The following IGSF10 variants were observed in gnomAD, a reference collection of about 807,000 sequenced individuals.
The protein encoded by IGSF10 is calvaria mechanical force protein 608.
In IGSF10, 126 loss-of-function variants were observed where a neutral mutation model predicts 128.2. The ratio of observed to expected loss-of-function variants is 0.98; its 90% CI spans 0.85 to 1.14. IGSF10 has a LOEUF of 1.14. IGSF10 is among the 50% of genes most tolerant of loss of function. The pLI is 0.00. For synonymous variants in IGSF10, 1,185 were observed against 1,146.2 expected, an observed-to-expected ratio of 1.03 and a Z score of -0.68; for missense variants, 3,295 against 3,149.8, an observed-to-expected ratio of 1.05 and a Z score of -1.10.
chr3:151,539,864 T>C, the IGSF10 span, among the ~76,000 whole-genome samples: 1 of 152,138 alleles, frequency 6.6e-6, no homozygotes, highest in South Asian at 2.1e-4. Flanking sequence ...ATCATCTCTG[T>C]GTGTGTCTGT....
At position 151,448,663 on chromosome 3, in the gene IGSF10, T is replaced by A. The variant is rs1474598903; in HGVS notation, c.1318A>T (p.Arg440Ter). ...MQDQISLQLN[R>*]TATTFSTLQI... Reference sequence around the variant, plus strand: ...AATGTACTGAATGTGGTGGCAGTTCTGTTCAGCTGCAAGGAAATTTGGTCT... The same window carrying A: ...AATGTACTGAATGTGGTGGCAGTTCAGTTCAGCTGCAAGGAAATTTGGTCT... Residue 440 changes from arginine (R) to a stop codon, truncating the protein, a stop_gained, in exon 6 of 8, where the codon AGA (arginine) becomes TGA (stop). Coordinates refer to ENST00000282466, the MANE Select transcript of IGSF10 (RefSeq NM_178822.5). LOFTEE classifies it high-confidence loss of function. 6.2e-7 allele frequency: 1 copy of A among 1,614,150 alleles called. No homozygotes were observed.
intron 7 of IGSF10, among the ~76,000 whole-genome samples, chr3:151,439,194 T>C (rs543500410): frequency 1.3e-4 from 20 of 152,220 alleles, no homozygotes; most frequent in African/African-American, 4.6e-4. Context: ...AGTAAACTAA[T>C]TGGATCCACA....
Position 151,448,372 on chromosome 3 carries a change from C to G in IGSF10, c.1609G>C (p.Glu537Gln), listed in dbSNP as rs1490088965. ...TCAAAACTATCAGCCATCTGGAGTT[C>G]CAATTTTCCACTTTTGTCTATTAGG... is the stretch of plus-strand genomic sequence containing the variant. ...RILIDKSGKL[E>Q]LQMADSFDTG... Residue 537 changes from glutamate to glutamine, a missense_variant, in exon 6 of 8, where the codon GAA (glutamate) becomes CAA (glutamine). Coordinates refer to ENST00000282466, the MANE Select transcript of IGSF10 (RefSeq NM_178822.5). 3.7e-6 allele frequency: 6 copies of G among 1,614,166 alleles called. No homozygotes were observed. Among genetic ancestry groups the G allele is most frequent in the Admixed American group, 1.7e-5 (1 of 60,022 alleles).
At chr3:151,522,758 T>C in the IGSF10 span, among the ~76,000 whole-genome samples, 6 of 152,220 alleles carry the variant, frequency 3.9e-5, no homozygotes, top group Non-Finnish European at 7.4e-5. Context: ...CTTGAAGCAT[T>C]CCCCTTGAAA....
the IGSF10 span, among the ~76,000 whole-genome samples, chr3:151,559,845 G>C: frequency 6.6e-6 from 1 of 152,214 alleles, no homozygotes; most frequent in African/African-American, 2.4e-5. Flanking sequence ...CTTTACATGG[G>C]TTCTTAGGGG....
chr3:151,551,694 CACACACAT>C, the IGSF10 span, among the ~76,000 whole-genome samples: 2 of 148,238 alleles, frequency 1.3e-5, no homozygotes, highest in African/African-American at 2.5e-5. Flanking sequence ...CACACACACA[CACACACAT>C]CTGAAGGCAT....
chr3:151,544,287 C>A, the IGSF10 span, among the ~76,000 whole-genome samples: 1 of 152,148 alleles, frequency 6.6e-6, no homozygotes, highest in African/African-American at 2.4e-5. Flanking sequence ...TCTGCAGGGG[C>A]CCTCTGACTG....
the IGSF10 span, among the ~76,000 whole-genome samples, chr3:151,603,147 T>A: frequency 1.3e-5 from 2 of 152,250 alleles, no homozygotes; most frequent in South Asian, 4.1e-4. Flanking sequence ...TGATCTGGTA[T>A]TTCTCCTTAC....
the IGSF10 span, among the ~76,000 whole-genome samples, chr3:151,504,403 G>A: frequency 6.6e-6 from 1 of 152,134 alleles, no homozygotes; most frequent in South Asian, 2.1e-4. Context: ...TGAGGCAGAG[G>A]TAATACCTGA....
the IGSF10 span, among the ~76,000 whole-genome samples, chr3:151,518,280 C>G: frequency 2.6e-5 from 4 of 151,960 alleles, no homozygotes; most frequent in African/African-American, 4.8e-5. Flanking sequence ...CTGGTTATTT[C>G]TGTACCTCAC....
At chr3:151,475,764 C>CAA in the IGSF10 span, 1 of 152,228 alleles carries the variant, frequency 6.6e-6, no homozygotes, top group African/African-American at 2.4e-5. Context: ...AATTAAACTT[C>CAA]GTTAAATTTA....
the IGSF10 span, among the ~76,000 whole-genome samples, chr3:151,610,991 G>T: frequency 2.0e-5 from 3 of 152,278 alleles, no homozygotes; most frequent in South Asian, 6.2e-4. Flanking sequence ...TAGCACCAAG[G>T]TTTAGTTGAC....
the IGSF10 span, among the ~76,000 whole-genome samples, chr3:151,518,927 T>C: frequency 3.9e-5 from 6 of 151,934 alleles, no homozygotes; most frequent in African/African-American, 1.4e-4. Flanking sequence ...GGTTCTTTCC[T>C]TCCTCTTACC....
intron 7 of IGSF10, 30 bp downstream of exon 7, chr3:151,442,954 G>A: frequency 1.3e-6 from 2 of 1,579,202 alleles, no homozygotes; most frequent in African/African-American, 1.4e-5. Flanking sequence ...ACATAAAGCA[G>A]ATAATTCCAA....
chr3:151,446,383 T>C lies in IGSF10; in HGVS notation c.3598A>G (p.Arg1200Gly). 1 of 1,612,898 alleles carries C rather than the reference T, an allele frequency of 6.2e-7. No homozygotes were observed. Among genetic ancestry groups the C allele is most frequent in the Non-Finnish European group, 8.5e-7 (1 of 1,178,954 alleles). The change falls in exon 6 of 8, where the codon AGA becomes GGA. Residue 1200 changes from arginine (R) to glycine (G), a missense_variant. Coordinates refer to ENST00000282466, the MANE Select transcript of IGSF10 (RefSeq NM_178822.5). Reference protein sequence around the residue: ...MTIIAITRFSRRKIPWQQNFV... With the variant: ...MTIIAITRFSGRKIPWQQNFV... Reference sequence around the variant, plus strand: ...TTCTGTTGCCAGGGAATTTTCCTTCTTGAAAACCTTGTAATGGCTATAATA... The same window carrying C: ...TTCTGTTGCCAGGGAATTTTCCTTCCTGAAAACCTTGTAATGGCTATAATA...
chr3:151,466,888 C>G, the IGSF10 span, among the ~76,000 whole-genome samples: 1 of 152,060 alleles, frequency 6.6e-6, no homozygotes, highest in African/African-American at 2.4e-5. Flanking sequence ...TCAACGTGTG[C>G]ATTTTTAGAA....
chr3:151,569,552 G>A, the IGSF10 span, among the ~76,000 whole-genome samples: 2 of 152,162 alleles, frequency 1.3e-5, no homozygotes, highest in African/African-American at 4.8e-5. Flanking sequence ...TTAAGTAGGG[G>A]TATTGCAATG....
the IGSF10 span, among the ~76,000 whole-genome samples, chr3:151,515,027 T>A: frequency 6.6e-6 from 1 of 152,190 alleles, no homozygotes; most frequent in South Asian, 2.1e-4. Flanking sequence ...GTGGGACTGT[T>A]AACTAGTTCA....
chr3:151,451,824 GAGC>G (rs747252193), intron 5 of IGSF10, among the ~76,000 whole-genome samples: 2 of 152,198 alleles, frequency 1.3e-5, no homozygotes, highest in Non-Finnish European at 2.9e-5. Context: ...AATGGAAACA[GAGC>G]AGCAGAACAT....
Sources: gnomAD v4.1 joint callset for allele counts (sites outside exome capture counted in the v4.1 genomes callset) on GRCh38, gnomAD v4.1.1 for gene constraint, MANE v1.5 for transcripts, NCBI Gene and HGNC (gene_info 2026-07-23, HGNC 2026-07-21) for gene names.